The following ARHGAP42 variants were observed in gnomAD, a reference collection of about 807,000 sequenced individuals.
The protein encoded by ARHGAP42 is Rho GTPase activating protein 42, also known as rho GTPase-activating protein 42.
A neutral mutation model predicts 125.0 loss-of-function variants in ARHGAP42; 63 were observed. The ratio of observed to expected loss-of-function variants is 0.50; its 90% CI spans 0.41 to 0.62. ARHGAP42 has a LOEUF of 0.62. ARHGAP42 is among the 20% of genes least tolerant of loss of function. ARHGAP42 has a pLI of 0.00. For missense variants in ARHGAP42, 766 were observed against 1,024.2 expected, an observed-to-expected ratio of 0.75 and a Z score of 3.44; for synonymous variants, 339 against 351.0, an observed-to-expected ratio of 0.97 and a Z score of 0.38.
At chr11:100,728,377 A>T (rs1018942720) in intron 1 of ARHGAP42, among the ~76,000 whole-genome samples, 4 of 152,116 alleles carry the variant, frequency 2.6e-5, no homozygotes, top group Admixed American at 6.5e-5. Context: ...CAGTTTAGCC[A>T]GGGGCTTACT....
At chr11:100,936,376 A>T in intron 8 of ARHGAP42, 44 bp downstream of exon 8, 1 of 1,549,854 alleles carries the variant, frequency 6.5e-7, no homozygotes, top group Non-Finnish European at 8.7e-7. Flanking sequence ...TGACTTAGCC[A>T]CGATCATGAG....
At position 100,837,145 on chromosome 11, in the gene ARHGAP42, C is replaced by T. The variant is rs369476851; in HGVS notation, c.313-22409C>T. On this transcript the variant is annotated intron_variant, in intron 3 of 23. Transcript: ENST00000298815. Reference sequence around the variant, plus strand: ...TCACCATTTTGCCAAATTTGCTTTACGACTCTTTGTCTTGAGACTGTTTCA... The same window carrying T: ...TCACCATTTTGCCAAATTTGCTTTATGACTCTTTGTCTTGAGACTGTTTCA... Among the ~76,000 whole-genome samples, 6 of 152,114 alleles carry T rather than the reference C, an allele frequency of 3.9e-5. No homozygotes were observed. In the East Asian group the frequency reaches 5.8e-4, roughly 15 times the overall value.
At chr11:100,917,168 A>G (rs1867092454) in intron 5 of ARHGAP42, among the ~76,000 whole-genome samples, 1 of 152,120 alleles carries the variant, frequency 6.6e-6, no homozygotes, top group African/African-American at 2.4e-5. Flanking sequence ...ATTTATAATT[A>G]AGAAAAAAGT....
chr11:100,962,480 G>A lies in ARHGAP42; in HGVS notation c.1444+13G>A, dbSNP rs1253009598. ...ATCATTGCTGTTAGTAAGTATACTT[G>A]CATCATATACACATTATAATTGATG... On this transcript the variant is annotated intron_variant, in intron 16 of 23. Transcript: ENST00000298815. 3.3e-6 allele frequency: 5 copies of A among 1,536,578 alleles called. No homozygotes were observed.
rs555984865 is a variant in ARHGAP42, at chr11:100,753,601, G to A, written c.155-16742G>A. Among the ~76,000 whole-genome samples the A allele has an allele frequency of 2.0e-5, 3 of 152,372 alleles. No homozygotes were observed. In the East Asian group the frequency reaches 5.8e-4, roughly 29 times the overall value. ...CTTTCAACCTGCTGCCACTGCCTGAGTTAGTTGGCAGATTTCTGTGAGGTC... is the reference window on the plus strand; with the variant it reads ...CTTTCAACCTGCTGCCACTGCCTGAATTAGTTGGCAGATTTCTGTGAGGTC... On this transcript the variant is annotated intron_variant, in intron 1 of 23. Coordinates refer to ENST00000298815, the MANE Select transcript of ARHGAP42 (RefSeq NM_152432.4).
At chr11:100,987,709 CCT>C in intron 23 of ARHGAP42, 117 bp downstream of exon 23, 1 of 919,124 alleles carries the variant, frequency 1.1e-6, no homozygotes, top group South Asian at 1.6e-5. Context: ...CCATGTCCTG[CCT>C]CTCATAACGG....
intron 3 of ARHGAP42, chr11:100,839,354 G>A (rs1366976267): frequency 1.3e-5 from 2 of 152,088 alleles, no homozygotes; most frequent in Admixed American, 6.6e-5. Flanking sequence ...AGCCAATAAA[G>A]GTGAGTGTGA....
At chr11:100,730,944 G>C (rs945246220) in intron 1 of ARHGAP42, among the ~76,000 whole-genome samples, 2 of 152,068 alleles carry the variant, frequency 1.3e-5, no homozygotes, top group Non-Finnish European at 2.9e-5. Flanking sequence ...ACAATATTAT[G>C]ATCTTAATGG....
chr11:100,921,118 C>T (rs1277063382), intron 5 of ARHGAP42, among the ~76,000 whole-genome samples: 1 of 148,574 alleles, frequency 6.7e-6, no homozygotes, highest in Non-Finnish European at 1.5e-5. Flanking sequence ...ACTCAAATAC[C>T]ACCATTTTGT....
At chr11:100,921,462 A>G (rs1310489921) in intron 5 of ARHGAP42, 32 bp from the exon 6 acceptor site, 11 of 1,448,564 alleles carry the variant, frequency 7.6e-6, no homozygotes, top group Non-Finnish European at 9.4e-6. Flanking sequence ...ATGTAGAACC[A>G]TCAGTAATCA....
chr11:100,954,525 A>G (rs1229311210), intron 12 of ARHGAP42, among the ~76,000 whole-genome samples: 1 of 152,102 alleles, frequency 6.6e-6, no homozygotes, highest in African/African-American at 2.4e-5. Flanking sequence ...CTCCACAGCA[A>G]TAAGCTTTTT....
At chr11:100,951,187 G>A (rs192655593) in intron 12 of ARHGAP42, among the ~76,000 whole-genome samples, 1 of 151,980 alleles carries the variant, frequency 6.6e-6, no homozygotes, top group Admixed American at 6.6e-5. Flanking sequence ...GAAAATGCAT[G>A]ATATAAAAGA....
chr11:100,876,397 T>G (rs1365921409), intron 4 of ARHGAP42, among the ~76,000 whole-genome samples: 1 of 151,394 alleles, frequency 6.6e-6, no homozygotes, highest in Non-Finnish European at 1.5e-5. Context: ...CGTATTTAAA[T>G]ATTTAAGAGA....
chr11:100,842,999 G>A (rs1310382119), intron 3 of ARHGAP42, among the ~76,000 whole-genome samples: 2 of 151,694 alleles, frequency 1.3e-5, no homozygotes, highest in Non-Finnish European at 2.9e-5. Context: ...GAAACAAAAA[G>A]AAATACAAAA....
intron 3 of ARHGAP42, among the ~76,000 whole-genome samples, chr11:100,811,583 C>T (rs1468354005): frequency 6.6e-6 from 1 of 150,750 alleles, no homozygotes; most frequent in African/African-American, 2.4e-5. Context: ...CGGCTCACTT[C>T]AACTCCCCCG....
intron 8 of ARHGAP42, among the ~76,000 whole-genome samples, chr11:100,938,211 A>G (rs116032174): frequency 2.9e-4 from 44 of 151,948 alleles, no homozygotes; most frequent in African/African-American, 9.2e-4. Flanking sequence ...CCTTCTCTCC[A>G]TCTCAACTGC....
rs199985084 is a variant in ARHGAP42, at chr11:100,728,914, A to G, written c.154+41082A>G. On this transcript the variant is annotated intron_variant, in intron 1 of 23. Coordinates refer to ENST00000298815, the MANE Select transcript of ARHGAP42 (RefSeq NM_152432.4). ...TTCCTGGGTAGCTGGGATCACAGGC[A>G]TGGGCCACTATGCCTGGCTCACTTT... is the stretch of plus-strand genomic sequence containing the variant. Among the ~76,000 whole-genome samples the G allele has an allele frequency of 1.6e-4, 25 of 151,894 alleles. No homozygotes were observed. The East Asian group carries it at 4.9e-3, about 30-fold the overall frequency.
At position 100,913,440 on chromosome 11, in the gene ARHGAP42, G is replaced by T. The variant is rs1210771161; in HGVS notation, c.385-12G>T. ...GAGTTAAATATTTTTTGTTGTTATT[G>T]CTCTCCTTTAGGATGGAAAGAAGAA... On this transcript the variant is annotated splice_polypyrimidine_tract_variant and intron_variant, in intron 4 of 23. Coordinates refer to ENST00000298815, the MANE Select transcript of ARHGAP42 (RefSeq NM_152432.4). 5.8e-6 allele frequency: 7 copies of T among 1,197,532 alleles called. No individual in the cohort carries two copies. The highest frequency in any genetic ancestry group is 5.8e-5 in the South Asian group (4 of 69,294). 74.2% of individuals were successfully genotyped at this position (1,197,532 alleles called of 1,614,324 possible).
chr11:100,800,940 A>G (rs1386799267), intron 3 of ARHGAP42, among the ~76,000 whole-genome samples: 1 of 152,228 alleles, frequency 6.6e-6, no homozygotes, highest in Non-Finnish European at 1.5e-5. Flanking sequence ...ATGATAGTAT[A>G]GGTTTAATAT....
Sources: allele counts gnomAD v4.1 joint callset (sites outside exome capture counted in the v4.1 genomes callset), GRCh38; gene constraint gnomAD v4.1.1; transcripts MANE v1.5; gene names NCBI Gene and HGNC (gene_info 2026-07-23, HGNC 2026-07-21).